TBC1D22A: variants seen among roughly 807,000 people sequenced by gnomAD.
The protein encoded by TBC1D22A is TBC1 domain family member 22A.
A neutral mutation model predicts 60.2 loss-of-function variants in TBC1D22A; 38 were observed. The observed-to-expected ratio is 0.63, with a 90% CI of 0.49 to 0.83. The LOEUF (loss-of-function observed/expected upper bound fraction) is 0.83. TBC1D22A is among the 40% of genes least tolerant of loss of function. The pLI is 0.00. For synonymous variants in TBC1D22A, 302 were observed against 281.7 expected, an observed-to-expected ratio of 1.07 and a Z score of -0.72; for missense variants, 628 against 701.0, an observed-to-expected ratio of 0.90 and a Z score of 1.18.
intron 12 of TBC1D22A, among the ~76,000 whole-genome samples, chr22:47,159,555 TAC>T (rs1433800498): frequency 1.3e-5 from 2 of 148,362 alleles, no homozygotes; most frequent in South Asian, 2.1e-4. Flanking sequence ...ATACTCACAT[TAC>T]ACACACACTA....
intron 10 of TBC1D22A, among the ~76,000 whole-genome samples, chr22:47,013,354 G>A (rs545888916): frequency 6.6e-6 from 1 of 152,220 alleles, no homozygotes; most frequent in African/African-American, 2.4e-5. Flanking sequence ...TCTCCACACC[G>A]AGACTGATGT....
chr22:47,119,102 C>T (rs1180518145), intron 12 of TBC1D22A, among the ~76,000 whole-genome samples: 3 of 152,144 alleles, frequency 2.0e-5, no homozygotes, highest in Non-Finnish European at 4.4e-5. Flanking sequence ...TGAGCCGAGA[C>T]CACACCACTG....
At chr22:46,795,130 G>A (rs1856206705) in intron 3 of TBC1D22A, among the ~76,000 whole-genome samples, 1 of 152,228 alleles carries the variant, frequency 6.6e-6, no homozygotes, top group Non-Finnish European at 1.5e-5. Context: ...ACTCGTAACT[G>A]GAAATCTGGT....
intron 12 of TBC1D22A, among the ~76,000 whole-genome samples, chr22:47,173,206 TG>T: frequency 6.6e-6 from 1 of 152,298 alleles, no homozygotes; most frequent in East Asian, 1.9e-4. Context: ...GCCTCCTGCC[TG>T]GCTGCTGGGA....
At chr22:47,113,272 G>A (rs1258442119) in intron 12 of TBC1D22A, among the ~76,000 whole-genome samples, 3 of 152,168 alleles carry the variant, frequency 2.0e-5, no homozygotes, top group African/African-American at 7.2e-5. Context: ...GAAGGCGGCT[G>A]GCTGCCGAGA....
chr22:47,007,014 C>T (rs2061613691), intron 10 of TBC1D22A, among the ~76,000 whole-genome samples: 2 of 152,162 alleles, frequency 1.3e-5, no homozygotes, highest in Non-Finnish European at 2.9e-5. Flanking sequence ...CAGATGCCAG[C>T]CCAAGAAGGA....
chr22:46,768,727 C>T (rs1221076063), intron 1 of TBC1D22A, among the ~76,000 whole-genome samples: 2 of 152,096 alleles, frequency 1.3e-5, no homozygotes, highest in Non-Finnish European at 2.9e-5. Context: ...AGCTCAGCTC[C>T]GCCTGGCAGG....
At chr22:47,121,575 A>G (rs1407655325) in intron 12 of TBC1D22A, among the ~76,000 whole-genome samples, 2 of 152,228 alleles carry the variant, frequency 1.3e-5, no homozygotes, top group Non-Finnish European at 2.9e-5. Context: ...GACATATGTA[A>G]TACAGATAAA....
At chr22:46,791,813 T>C (rs935379701) in intron 1 of TBC1D22A, among the ~76,000 whole-genome samples, 3 of 152,242 alleles carry the variant, frequency 2.0e-5, no homozygotes, top group African/African-American at 7.2e-5. Context: ...CAGGCTGCAG[T>C]GCAGTGGCAC....
At chr22:47,139,752 G>A (rs899817058) in intron 12 of TBC1D22A, among the ~76,000 whole-genome samples, 4 of 152,216 alleles carry the variant, frequency 2.6e-5, no homozygotes, top group South Asian at 2.1e-4. Flanking sequence ...AGCTGCGCTC[G>A]CTAAGACCCA....
At chr22:47,112,020 A>G (rs1052713126) in intron 12 of TBC1D22A, among the ~76,000 whole-genome samples, 1 of 152,190 alleles carries the variant, frequency 6.6e-6, no homozygotes, top group African/African-American at 2.4e-5. Context: ...CAGCCAGGCC[A>G]CTGGAAGCTC....
intron 11 of TBC1D22A, among the ~76,000 whole-genome samples, chr22:47,066,858 A>G (rs907133505): frequency 6.6e-6 from 1 of 152,094 alleles, no homozygotes; most frequent in Non-Finnish European, 1.5e-5. Context: ...TGGTGTCTGG[A>G]TAGGTCACTG....
chr22:46,783,985 T>TA (rs1394059171), intron 1 of TBC1D22A, among the ~76,000 whole-genome samples: 1 of 152,232 alleles, frequency 6.6e-6, no homozygotes, highest in Non-Finnish European at 1.5e-5. Flanking sequence ...TTCTCTTTAA[T>TA]AAAAAACAGT....
rs749629711 is a variant in TBC1D22A at position 46,792,547 on chromosome 22, C to A, written c.90C>A (p.His30Gln). ...TCCAGCACGTGTATGGTGCCCAGCACCCCCCCTTTGATCCACTGTTACATG... is the reference window on the plus strand; with the variant it reads ...TCCAGCACGTGTATGGTGCCCAGCAACCCCCCTTTGATCCACTGTTACATG... ...GSIQHVYGAQ[H>Q]PPFDPLLHGT... The change falls in exon 2 of 13, where the codon CAC becomes CAA. Residue 30 changes from histidine (H) to glutamine (Q), a missense_variant. Physicochemically the swap from His to Gln is conservative, Grantham distance 24. Coordinates refer to ENST00000337137, the MANE Select transcript of TBC1D22A (RefSeq NM_014346.5). 2 of 1,614,144 alleles carry A rather than the reference C, an allele frequency of 1.2e-6. No individual in the cohort carries two copies. The highest frequency in any genetic ancestry group is 1.1e-5 in the South Asian group (1 of 91,080).
chr22:46,982,703 G>A (rs145775647), intron 9 of TBC1D22A, among the ~76,000 whole-genome samples: 22 of 152,292 alleles, frequency 1.4e-4, no homozygotes, highest in Non-Finnish European at 2.4e-4. Context: ...CCTGAGGGAC[G>A]TCTAAGCTTG....
At chr22:47,065,863 G>C (rs2063757543) in intron 11 of TBC1D22A, among the ~76,000 whole-genome samples, 1 of 152,188 alleles carries the variant, frequency 6.6e-6, no homozygotes, top group African/African-American at 2.4e-5. Context: ...GCGTGGGGTG[G>C]GAAGGAAGGA....
chr22:46,871,288 G>T (rs868503868), intron 4 of TBC1D22A, among the ~76,000 whole-genome samples: 11 of 152,200 alleles, frequency 7.2e-5, no homozygotes, highest in Non-Finnish European at 5.9e-5. Flanking sequence ...ACAGCCCTCC[G>T]TGAGTAATTG....
intron 4 of TBC1D22A, among the ~76,000 whole-genome samples, chr22:46,828,150 G>A (rs949173705): frequency 6.6e-6 from 1 of 152,218 alleles, no homozygotes; most frequent in African/African-American, 2.4e-5. Flanking sequence ...TTCTGGTGCA[G>A]CGTCAGGACT....
intron 8 of TBC1D22A, among the ~76,000 whole-genome samples, chr22:46,957,562 G>A (rs2073268117): frequency 6.6e-6 from 1 of 152,218 alleles, no homozygotes; most frequent in Non-Finnish European, 1.5e-5. Flanking sequence ...CTCCCTCCCT[G>A]AACACGTGGG....
Sources: allele counts gnomAD v4.1 joint callset (sites outside exome capture counted in the v4.1 genomes callset), GRCh38; gene constraint gnomAD v4.1.1; transcripts MANE v1.5; gene names NCBI Gene and HGNC (gene_info 2026-07-23, HGNC 2026-07-21).